The following PDE4D variants were observed in gnomAD, a reference collection of about 807,000 sequenced individuals.
The protein encoded by PDE4D is 3',5'-cyclic-AMP phosphodiesterase 4D.
Under a neutral mutation model 87.4 loss-of-function variants are expected in PDE4D, and 24 were observed. That is an observed-to-expected ratio of 0.27 (90% CI 0.20 to 0.39). The LOEUF (loss-of-function observed/expected upper bound fraction) is 0.39. PDE4D is among the 10% of genes least tolerant of loss of function. PDE4D has a pLI of 1.00. For missense variants in PDE4D, 714 were observed against 1,041.0 expected (o/e 0.69, Z 4.32); for synonymous variants, 384 against 383.2 (o/e 1.00, Z -0.02).
chr5:60,071,942 C>A (rs575856320), intron 2 of PDE4D, among the ~76,000 whole-genome samples: 1 of 152,252 alleles, frequency 6.6e-6, no homozygotes, highest in Non-Finnish European at 1.5e-5. Context: ...TAGATTGATT[C>A]CATGTCTTTG....
intron 1 of PDE4D, among the ~76,000 whole-genome samples, chr5:59,530,995 C>T (rs78577091): frequency 0.017 from 2,577 of 152,220 alleles, 80 homozygotes; most frequent in East Asian, 0.12. Context: ...TCTTTGAATA[C>T]GGTGTATTGA....
intron 1 of PDE4D, among the ~76,000 whole-genome samples, chr5:60,359,120 T>C (rs1220933459): frequency 1.3e-5 from 2 of 152,178 alleles, no homozygotes; most frequent in Non-Finnish European, 2.9e-5. Flanking sequence ...TGTTATATTG[T>C]TATAGGCAGG....
chr5:60,035,882 G>C (rs1767741628), intron 2 of PDE4D, among the ~76,000 whole-genome samples: 1 of 152,152 alleles, frequency 6.6e-6, no homozygotes, highest in Admixed American at 6.5e-5. Context: ...TAACATCCTT[G>C]CCATTCCTTT....
intron 1 of PDE4D, among the ~76,000 whole-genome samples, chr5:59,283,866 C>CA (rs1766333261): frequency 6.6e-6 from 1 of 152,132 alleles, no homozygotes; most frequent in African/African-American, 2.4e-5. Context: ...ACACAGTGAA[C>CA]ATCACAGGGG....
At chr5:59,560,398 C>A (rs1819763721) in intron 1 of PDE4D, among the ~76,000 whole-genome samples, 1 of 152,060 alleles carries the variant, frequency 6.6e-6, no homozygotes, top group Admixed American at 6.6e-5. Flanking sequence ...CAAAAAAAAC[C>A]CATTCATTCA....
At chr5:60,294,373 T>C (rs929731211) in intron 1 of PDE4D, among the ~76,000 whole-genome samples, 11 of 152,216 alleles carry the variant, frequency 7.2e-5, no homozygotes, top group Admixed American at 5.9e-4. Context: ...TTTGTCCTGT[T>C]AGTGGCTCTC....
At chr5:59,436,894 A>T (rs2153634257) in intron 1 of PDE4D, among the ~76,000 whole-genome samples, 1 of 152,324 alleles carries the variant, frequency 6.6e-6, no homozygotes, top group East Asian at 1.9e-4. Flanking sequence ...AACCACATGG[A>T]CGGATACCTT....
At chr5:59,800,265 C>T (rs1323326872) in intron 1 of PDE4D, among the ~76,000 whole-genome samples, 1 of 151,864 alleles carries the variant, frequency 6.6e-6, no homozygotes, top group Non-Finnish European at 1.5e-5. Flanking sequence ...CTAAACACTA[C>T]CATCTAGTGG....
intron 1 of PDE4D, among the ~76,000 whole-genome samples, chr5:59,243,063 C>A (rs1166797820): frequency 2.6e-5 from 4 of 152,082 alleles, no homozygotes; most frequent in African/African-American, 9.7e-5. Flanking sequence ...AGTGTCTGAG[C>A]AGTATGAATT....
intron 1 of PDE4D, among the ~76,000 whole-genome samples, chr5:60,501,750 A>T (rs997805614): frequency 1.3e-5 from 2 of 152,092 alleles, no homozygotes; most frequent in Non-Finnish European, 2.9e-5. Context: ...TCTGATGGCC[A>T]GTGATGGTGA....
chr5:59,632,944 A>G (rs1831757736), intron 1 of PDE4D, among the ~76,000 whole-genome samples: 1 of 152,180 alleles, frequency 6.6e-6, no homozygotes, highest in Non-Finnish European at 1.5e-5. Flanking sequence ...CCTCCAAGCT[A>G]AAAAAGTATG....
intron 5 of PDE4D, among the ~76,000 whole-genome samples, chr5:59,135,451 T>A (rs1286574885): frequency 1.3e-5 from 2 of 152,206 alleles, no homozygotes; most frequent in African/African-American, 4.8e-5. Context: ...ATTTTTCTTT[T>A]TCTTACCACT....
At chr5:60,426,339 A>T (rs1003401259) in intron 1 of PDE4D, among the ~76,000 whole-genome samples, 3 of 152,276 alleles carry the variant, frequency 2.0e-5, no homozygotes, top group African/African-American at 4.8e-5. Context: ...ACCATGGAAT[A>T]CTATGTAGCC....
chr5:59,555,464 A>T (rs186214417), intron 1 of PDE4D, among the ~76,000 whole-genome samples: 6 of 144,202 alleles, frequency 4.2e-5, no homozygotes, highest in Admixed American at 1.3e-4. Context: ...TACCTATATT[A>T]AAAAAAATCT....
chr5:59,970,309 T>C (rs537389276), intron 3 of PDE4D, among the ~76,000 whole-genome samples: 2 of 152,290 alleles, frequency 1.3e-5, no homozygotes, highest in East Asian at 1.9e-4. Flanking sequence ...AAGGACTTCA[T>C]GTCTAAAACA....
intron 1 of PDE4D, among the ~76,000 whole-genome samples, chr5:60,433,585 G>T (rs570462760): frequency 1.4e-4 from 21 of 152,282 alleles, no homozygotes; most frequent in Admixed American, 5.9e-4. Context: ...GTACCCAAAG[G>T]AATATAAATC....
chr5:60,304,408 G>A (rs1754249284), intron 1 of PDE4D, among the ~76,000 whole-genome samples: 1 of 152,004 alleles, frequency 6.6e-6, no homozygotes, highest in South Asian at 2.1e-4. Context: ...CACTTTGGGA[G>A]GCCGAGGCGG....
intron 1 of PDE4D, among the ~76,000 whole-genome samples, chr5:59,422,078 T>A (rs1794567871): frequency 6.6e-6 from 1 of 151,832 alleles, no homozygotes; most frequent in African/African-American, 2.4e-5. Context: ...CCAGTAAGAG[T>A]ACAAAAATAG....
chr5:59,139,809 A>T (rs1777637524), intron 5 of PDE4D, among the ~76,000 whole-genome samples: 1 of 152,024 alleles, frequency 6.6e-6, no homozygotes, highest in Non-Finnish European at 1.5e-5. Context: ...AAACTAAAAA[A>T]CTAAAAAAAC....
Sources: allele counts gnomAD v4.1 joint callset (sites outside exome capture counted in the v4.1 genomes callset), GRCh38; gene constraint gnomAD v4.1.1; transcripts MANE v1.5; gene names NCBI Gene and HGNC (gene_info 2026-07-23, HGNC 2026-07-21).